The following TENM2 variants were observed in gnomAD, a reference collection of about 807,000 sequenced individuals.
The protein encoded by TENM2 is teneurin-2.
In TENM2, 52 loss-of-function variants were observed where a neutral mutation model predicts 245.2. That is an observed-to-expected ratio of 0.21 (90% CI 0.17 to 0.27). The LOEUF (loss-of-function observed/expected upper bound fraction) is 0.27, where lower values mean the gene tolerates loss of function less well. Among genes scored for constraint, TENM2 ranks in the 10% least tolerant of loss-of-function variants. The pLI is 1.00. For missense variants in TENM2, 3,046 were observed against 3,666.8 expected (o/e 0.83, Z 4.37); for synonymous variants, 1,363 against 1,438.9 (o/e 0.95, Z 1.19).
intron 2 of TENM2, among the ~76,000 whole-genome samples, chr5:167,700,832 C>T (rs1159338756): frequency 1.3e-5 from 2 of 150,794 alleles, no homozygotes; most frequent in Non-Finnish European, 1.5e-5. Flanking sequence ...AAATGTGTAT[C>T]GATTCTATGT....
chr5:167,804,319 G>T (rs1765993075), intron 2 of TENM2, among the ~76,000 whole-genome samples: 1 of 151,936 alleles, frequency 6.6e-6, no homozygotes, highest in South Asian at 2.1e-4. Context: ...ACCCTTTCTT[G>T]CCGTAAGCCC....
chr5:167,575,215 G>T (rs1191527017), intron 2 of TENM2, among the ~76,000 whole-genome samples: 3 of 151,442 alleles, frequency 2.0e-5, no homozygotes, highest in Non-Finnish European at 4.4e-5. Context: ...TTACCTAAAA[G>T]ATAGCATAGA....
chr5:167,011,627 T>C, the TENM2 span, among the ~76,000 whole-genome samples: 1 of 152,342 alleles, frequency 6.6e-6, no homozygotes, highest in Admixed American at 6.5e-5. Context: ...TTGTTATGTA[T>C]ACTTGCCTTG....
At chr5:167,772,519 G>A (rs1289091208) in intron 2 of TENM2, among the ~76,000 whole-genome samples, 1 of 152,106 alleles carries the variant, frequency 6.6e-6, no homozygotes, top group Non-Finnish European at 1.5e-5. Context: ...AAAGGGTACA[G>A]GCCAACTTCT....
At chr5:167,062,893 G>C in the TENM2 span, among the ~76,000 whole-genome samples, 2 of 152,176 alleles carry the variant, frequency 1.3e-5, no homozygotes, top group Non-Finnish European at 2.9e-5. Context: ...AAATGGATCT[G>C]AGTATTAGTA....
At chr5:167,499,052 T>C (rs989452448) in intron 2 of TENM2, among the ~76,000 whole-genome samples, 2 of 152,134 alleles carry the variant, frequency 1.3e-5, no homozygotes, top group African/African-American at 4.8e-5. Context: ...ATGTGCTTTT[T>C]CTTGCACTCT....
chr5:167,051,573 G>A, the TENM2 span, among the ~76,000 whole-genome samples: 1 of 152,088 alleles, frequency 6.6e-6, no homozygotes, highest in South Asian at 2.1e-4. Flanking sequence ...AACTCTATTC[G>A]CATTCTCTTT....
intron 6 of TENM2, among the ~76,000 whole-genome samples, chr5:168,049,165 C>G (rs1246249464): frequency 6.6e-6 from 1 of 152,138 alleles, no homozygotes; most frequent in Non-Finnish European, 1.5e-5. Context: ...GCATGGCAGG[C>G]ATCTAGTGGA....
chr5:167,077,262 C>G, the TENM2 span, among the ~76,000 whole-genome samples: 32 of 152,152 alleles, frequency 2.1e-4, no homozygotes, highest in Non-Finnish European at 3.1e-4. Context: ...GGTGTTTAAA[C>G]TTAACAATTA....
intron 2 of TENM2, among the ~76,000 whole-genome samples, chr5:167,390,160 A>G (rs192530849): frequency 6.6e-6 from 1 of 152,344 alleles, no homozygotes; most frequent in Admixed American, 6.5e-5. Flanking sequence ...TAGAACACCA[A>G]ATGTATTTAC....
intron 12 of TENM2, among the ~76,000 whole-genome samples, chr5:168,132,558 G>T (rs1458728323): frequency 1.3e-5 from 2 of 152,212 alleles, no homozygotes; most frequent in African/African-American, 2.4e-5. Context: ...GGACTAGCTT[G>T]TGGCTCACAG....
At chr5:167,823,855 A>G (rs898812911) in intron 2 of TENM2, among the ~76,000 whole-genome samples, 1 of 152,124 alleles carries the variant, frequency 6.6e-6, no homozygotes. Context: ...AAAAGCCTGC[A>G]ATGGGGGCTG....
chr5:167,014,023 C>T, the TENM2 span, among the ~76,000 whole-genome samples: 1 of 151,906 alleles, frequency 6.6e-6, no homozygotes, highest in African/African-American at 2.4e-5. Context: ...CTTGTCATCA[C>T]CTAAATGAAT....
intron 2 of TENM2, among the ~76,000 whole-genome samples, chr5:167,802,689 A>G (rs932221089): frequency 2.0e-5 from 3 of 152,166 alleles, no homozygotes; most frequent in African/African-American, 7.2e-5. Flanking sequence ...GGCAGTGTAC[A>G]TATTTCTTTG....
chr5:167,046,403 A>G, the TENM2 span, among the ~76,000 whole-genome samples: 95,807 of 152,096 alleles, frequency 0.63, 32,265 homozygotes, highest in African/African-American at 0.89. Context: ...CATTTTTTAT[A>G]TTTAAAACTT....
chr5:167,495,205 A>G (rs187838708), intron 2 of TENM2, among the ~76,000 whole-genome samples: 149 of 150,568 alleles, frequency 9.9e-4, no homozygotes, highest in Non-Finnish European at 1.6e-3. Context: ...ACCCAAAGTA[A>G]TGTAAAGTTC....
At chr5:167,756,571 C>A (rs7721878) in intron 2 of TENM2, among the ~76,000 whole-genome samples, 20,835 of 152,174 alleles carry the variant, frequency 0.14, 2,702 homozygotes, top group African/African-American at 0.34. Context: ...AGGAAATCCC[C>A]TCATCCTTTG....
chr5:167,366,146 G>C (rs182020799), intron 1 of TENM2, among the ~76,000 whole-genome samples: 1 of 151,854 alleles, frequency 6.6e-6, no homozygotes, highest in East Asian at 1.9e-4. Context: ...TTAAGAAAAA[G>C]AAGGCACAAA....
chr5:167,744,998 G>C (rs947186861), intron 2 of TENM2, among the ~76,000 whole-genome samples: 1 of 152,142 alleles, frequency 6.6e-6, no homozygotes, highest in Non-Finnish European at 1.5e-5. Flanking sequence ...TGAGCACCAA[G>C]TATCAACATC....
Sources: allele counts gnomAD v4.1 joint callset (sites outside exome capture counted in the v4.1 genomes callset), GRCh38; gene constraint gnomAD v4.1.1; transcripts MANE v1.5; gene names NCBI Gene and HGNC (gene_info 2026-07-23, HGNC 2026-07-21).